RENBP: variants seen among roughly 807,000 people sequenced by gnomAD.
RENBP encodes the protein N-acylglucosamine 2-epimerase.
Under a neutral mutation model 37.8 loss-of-function variants are expected in RENBP, and 16 were observed. That is an observed-to-expected ratio of 0.42 (90% CI 0.29 to 0.64). RENBP has a LOEUF of 0.64. RENBP is among the 30% of genes least tolerant of loss of function. RENBP has a pLI of 0.19. For missense variants in RENBP, 347 were observed against 379.5 expected, an observed-to-expected ratio of 0.91 and a Z score of 0.71; for synonymous variants, 170 against 154.8, an observed-to-expected ratio of 1.10 and a Z score of -0.73.
In RENBP at chrX:153,943,937, C is replaced by T. The variant is rs368771495; in HGVS notation, c.247G>A (p.Glu83Lys). 2.2e-5 allele frequency: 26 copies of T among 1,188,627 alleles called. No individual in the cohort carries two copies. The highest frequency in any genetic ancestry group is 2.0e-4 in the South Asian group (11 of 54,772). ...WMYCRLYRTF[E>K]RFRHAQLLDA... ...AGAAGCTGAGCATGGCGGAAGCGCT[C>T]GAAAGTGCGGTACAGGCGACAATAC... Residue 83 changes from glutamate to lysine, a missense_variant, in exon 4 of 11, where the codon GAG becomes AAG. Physicochemically the swap from Glu to Lys is moderately conservative, Grantham distance 56. Transcript: ENST00000393700.
At position 153,942,538 on chromosome X, in the gene RENBP, G is replaced by C. The variant is rs1035844995; in HGVS notation, c.687+317C>G. ...AGGCACGAGCCACCGCGTCCAGCCC[G>C]GGCCTAGGAAGATGTAATCCTCACT... On this transcript the variant is annotated intron_variant, in intron 6 of 10. Transcript: ENST00000393700. 7 of 309,490 alleles carry C rather than the reference G, an allele frequency of 2.3e-5. No individual in the cohort carries two copies. The East Asian group carries it at 4.2e-4, about 18-fold the overall frequency. 25.5% of individuals were successfully genotyped at this position (309,490 alleles called of 1,213,427 possible).
rs782728253 is a variant in RENBP at position 153,941,944 on chromosome X, C to T, written c.769+6G>A. ...TGGGTGGCCCCCAGCCCACCCCGCC[C>T]CTCACCTGGGTTCTGCTGTCTCCCC... is the stretch of plus-strand genomic sequence containing the variant. On this transcript the variant is annotated splice_donor_region_variant and intron_variant, in intron 7 of 10. Coordinates refer to ENST00000393700, the MANE Select transcript of RENBP (RefSeq NM_002910.6). 3 of 1,069,881 alleles carry T rather than the reference C, an allele frequency of 2.8e-6. No homozygotes were observed. Among genetic ancestry groups the T allele is most frequent in the Non-Finnish European group, 3.9e-6 (3 of 767,215 alleles). The allele number at this position is 1,069,881 out of a possible 1,213,427, so 88.2% of individuals were successfully genotyped here.
At chrX:153,942,518 C>G in intron 6 of RENBP, 1 of 273,404 alleles carries the variant, frequency 3.7e-6, no homozygotes, top group Non-Finnish European at 6.4e-6. Context: ...ATTACAGGCA[C>G]GAGCCACCGC....
intron 8 of RENBP, among the ~76,000 whole-genome samples, 160 bp from the exon 9 acceptor site, chrX:153,940,393 G>C (rs2065221141): frequency 8.9e-6 from 1 of 111,974 alleles, no homozygotes; most frequent in South Asian, 3.7e-4. Context: ...TTCCTGACCT[G>C]TAGATTCTTG....
At chrX:153,943,100 G>A in intron 5 of RENBP, 21 bp from the exon 6 acceptor site, 10 of 1,074,290 alleles carry the variant, frequency 9.3e-6, no homozygotes, top group Non-Finnish European at 1.2e-5. Context: ...AGGAGGCAAG[G>A]GGAGGCCCAG....
Position 153,944,607 on chromosome X carries a change from T to C in RENBP, c.4A>G (p.Ser2Gly). M[S>G]KGLPARQDME... is the part of the protein sequence containing the mutation. ...GCCTGTCGCGCTGGGAGACCCTTGCTCATCCCTCCTGCTCCTCTAGGAAGC... is the reference window on the plus strand; with the variant it reads ...GCCTGTCGCGCTGGGAGACCCTTGCCCATCCCTCCTGCTCCTCTAGGAAGC... Residue 2 changes from serine to glycine, a missense_variant, in exon 1 of 11, where the codon AGC (serine) becomes GGC (glycine). Physicochemically the swap from Ser to Gly is moderately conservative, Grantham distance 56 (BLOSUM62 0). Around this residue, in one of 3 missense-constraint regions of RENBP, gnomAD observed 244 missense variants for 279.4 expected, o/e 0.87. Coordinates refer to ENST00000393700, the MANE Select transcript of RENBP (RefSeq NM_002910.6). 8.6e-7 allele frequency: 1 copy of C among 1,166,797 alleles called. No homozygotes were observed. Among genetic ancestry groups the C allele is most frequent in the South Asian group, 1.9e-5 (1 of 52,775 alleles).
At chrX:153,940,969 G>A (rs939031019) in intron 8 of RENBP, among the ~76,000 whole-genome samples, 67 of 109,418 alleles carry the variant, frequency 6.1e-4, no homozygotes, top group Non-Finnish European at 1.0e-3. Flanking sequence ...GAGAAACCCC[G>A]TCTCTACTAA....
intron 9 of RENBP, among the ~76,000 whole-genome samples, chrX:153,937,412 T>C (rs1557108777): frequency 9.1e-6 from 1 of 109,646 alleles, no homozygotes; most frequent in Non-Finnish European, 1.9e-5. Flanking sequence ...ATGACTTACC[T>C]GTTTTTTTGT....
intron 9 of RENBP, among the ~76,000 whole-genome samples, chrX:153,939,258 A>T (rs1253339198): frequency 1.8e-5 from 2 of 111,236 alleles, no homozygotes; most frequent in Non-Finnish European, 3.8e-5. Flanking sequence ...CTAATTTTTT[A>T]AAATTTTTTG....
At chrX:153,938,050 A>G (rs782732524) in intron 9 of RENBP, among the ~76,000 whole-genome samples, 179 of 112,618 alleles carry the variant, frequency 1.6e-3, no homozygotes, top group Middle Eastern at 4.6e-3. Flanking sequence ...GTTGATTATA[A>G]CTTTTGTAAT....
At chrX:153,939,492 C>G (rs2065217430) in intron 9 of RENBP, among the ~76,000 whole-genome samples, 1 of 112,103 alleles carries the variant, frequency 8.9e-6, no homozygotes, top group Non-Finnish European at 1.9e-5. Context: ...ACTGTGAACC[C>G]TCTGTCCCCA....
chrX:153,943,582 G>T lies in RENBP; in HGVS notation c.426C>A (p.Asn142Lys). 1.7e-6 allele frequency: 2 copies of T among 1,211,378 alleles called. No individual in the cohort carries two copies. The highest frequency in any genetic ancestry group is 2.2e-5 in the Admixed American group (1 of 46,071). The change falls in exon 5 of 11, where the codon AAC becomes AAA. Residue 142 changes from asparagine (N) to lysine (K), a missense_variant. Asn to Lys is a moderately conservative substitution (Grantham distance 94). Transcript: ENST00000393700. Reference sequence around the variant, plus strand: ...CTTCCCCTGTGGCTCTCCACAGCTCGTTCATGGCCATGGTGTAGAAACACT... The same window carrying T: ...CTTCCCCTGTGGCTCTCCACAGCTCTTTCATGGCCATGGTGTAGAAACACT... ...FSECFYTMAM[N>K]ELWRATGEVR...
rs1426742542 is a variant in RENBP, at chrX:153,935,338, G to C, written c.1232C>G (p.Pro411Arg). 1.9e-6 allele frequency: 2 copies of C among 1,044,056 alleles called. No homozygotes were observed. Among genetic ancestry groups the C allele is most frequent in the Non-Finnish European group, 2.5e-6 (2 of 804,738 alleles). The allele number at this position is 1,044,056 out of a possible 1,213,427, so 86.0% of individuals were successfully genotyped here. ...GGGGGCGGGGGAGGGGGCGGGGGCGGGGCGGCTCAGCAGGGCGCCCAGCAT... is the reference window on the plus strand; with the variant it reads ...GGGGGCGGGGGAGGGGGCGGGGGCGCGGCGGCTCAGCAGGGCGCCCAGCAT... Reference protein sequence around the residue: ...EEMLGALLSRPAPAPSPAPTP... With the variant: ...EEMLGALLSRRAPAPSPAPTP... The change falls in exon 11 of 11, where the codon CCC becomes CGC. Residue 411 changes from proline (P) to arginine (R), a missense_variant. Physicochemically the swap from Pro to Arg is moderately radical, Grantham distance 103. Transcript: ENST00000393700.
intron 4 of RENBP, 67 bp from the exon 5 acceptor site, chrX:153,943,785 C>A: frequency 8.5e-7 from 1 of 1,179,848 alleles, no homozygotes; most frequent in Non-Finnish European, 1.1e-6. Flanking sequence ...ACCCTTGAGC[C>A]TCCCCAAGTC....
chrX:153,940,027 G>A (rs1428683926), intron 9 of RENBP, 75 bp downstream of exon 9: 4 of 1,131,182 alleles, frequency 3.5e-6, no homozygotes, highest in East Asian at 6.0e-5. Flanking sequence ...CAGCGAGGGG[G>A]CAAGAGCGCA....
chrX:153,936,231 G>C (rs1185196167), intron 9 of RENBP: 1 of 112,467 alleles, frequency 8.9e-6, no homozygotes, highest in African/African-American at 3.3e-5. Context: ...AACCCGGCCG[G>C]GTGCAAAGGC....
chrX:153,939,827 C>G (rs1344115018), intron 9 of RENBP, among the ~76,000 whole-genome samples: 3 of 109,173 alleles, frequency 2.7e-5, no homozygotes, highest in African/African-American at 1.0e-4. Context: ...AGAGCCCCCC[C>G]ACAACCCTCT....
rs782668246 is a variant in RENBP at position 153,935,375 on chromosome X, T to A, written c.1195A>T (p.Met399Leu). The change falls in exon 11 of 11, where the codon ATG becomes TTG. Residue 399 changes from methionine (M) to leucine (L), a missense_variant. Around this residue, in one of 3 missense-constraint regions of RENBP, gnomAD observed 91 missense variants for 67.7 expected, o/e 1.34. Coordinates refer to ENST00000393700, the MANE Select transcript of RENBP (RefSeq NM_002910.6). ...GCFHVPRCLAMCEEMLGALLS... is the reference protein window; with the variant it reads ...GCFHVPRCLALCEEMLGALLS... Reference sequence around the variant, plus strand: ...AGGGCGCCCAGCATCTCCTCGCACATGGCTAGGCACCGCGGCACGTGGAAG... The same window carrying A: ...AGGGCGCCCAGCATCTCCTCGCACAAGGCTAGGCACCGCGGCACGTGGAAG... 3 of 1,139,465 alleles carry A rather than the reference T, an allele frequency of 2.6e-6. No individual in the cohort carries two copies. In the East Asian group the frequency reaches 9.3e-5, roughly 35 times the overall value. The allele number at this position is 1,139,465 out of a possible 1,213,427, so 93.9% of individuals were successfully genotyped here.
chrX:153,935,712 C>T, intron 9 of RENBP, 136 bp from the exon 10 acceptor site: 1 of 499,673 alleles, frequency 2.0e-6, no homozygotes, highest in Non-Finnish European at 3.6e-6. Flanking sequence ...CGCGACACTG[C>T]GTCCTCCACA....
Sources: allele counts gnomAD v4.1 joint callset (sites outside exome capture counted in the v4.1 genomes callset), GRCh38; gene constraint gnomAD v4.1.1; regional missense constraint gnomAD v4.1.1; transcripts MANE v1.5; gene names NCBI Gene and HGNC (gene_info 2026-07-23, HGNC 2026-07-21).